RBFOX1: variants seen among roughly 807,000 people sequenced by gnomAD.
RBFOX1 encodes the protein RNA binding fox-1 homolog 1, also known as RNA binding protein fox-1 homolog 1.
Under a neutral mutation model 57.7 loss-of-function variants are expected in RBFOX1, and 8 were observed. The observed-to-expected ratio is 0.14, with a 90% CI of 0.08 to 0.25. The LOEUF is 0.25. Ranked by LOEUF, RBFOX1 falls within the 10% of genes least tolerant of loss-of-function variation. RBFOX1 has a pLI of 1.00. For synonymous variants in RBFOX1, 326 were observed against 222.4 expected (o/e 1.47, Z -4.15); for missense variants, 611 against 548.5 (o/e 1.11, Z -1.14).
intron 3 of RBFOX1, among the ~76,000 whole-genome samples, chr16:6,906,671 A>T (rs2070051964): frequency 6.6e-6 from 1 of 152,038 alleles, no homozygotes. Flanking sequence ...CTTGGGACTT[A>T]AAAAGAGCCT....
At chr16:7,270,746 C>G (rs948334951) in intron 4 of RBFOX1, among the ~76,000 whole-genome samples, 16 of 152,222 alleles carry the variant, frequency 1.1e-4, no homozygotes, top group South Asian at 2.1e-4. Context: ...TCTGATTAAT[C>G]CCACTGATGC....
chr16:5,344,205 T>C (rs1413508644), intron 1 of RBFOX1, among the ~76,000 whole-genome samples: 1 of 152,254 alleles, frequency 6.6e-6, no homozygotes, highest in Admixed American at 6.5e-5. Flanking sequence ...TGTCTGCTGC[T>C]GTTGAGCTGT....
chr16:6,060,122 GTTTTTTTTTTTTTTTTT>G lies in RBFOX1; in HGVS notation c.-127+40150_-127+40166del, dbSNP rs199690584. 1.2e-3 allele frequency among the ~76,000 whole-genome samples: 137 copies of G among 114,204 alleles called. 1 individual carries two copies. Among genetic ancestry groups the G allele is most frequent in the Middle Eastern group, 4.9e-3 (1 of 204 alleles). The allele number at this position is 114,204 out of a possible 152,430, so 74.9% of individuals were successfully genotyped here. A position where few individuals can be genotyped will look rare whatever the true frequency, so the allele number is the denominator to read the frequency against. On this transcript the variant is annotated intron_variant, in intron 1 of 15. Coordinates refer to ENST00000550418, the MANE Select transcript of RBFOX1 (RefSeq NM_018723.4). Reference sequence around the variant, plus strand: ...ATTTGGCCCTAAAATTAGGATTAGGGTTTTTTTTTTTTTTTTTTTTTTTTTTTTTTTTTTTTACGTAT... The same window carrying G: ...ATTTGGCCCTAAAATTAGGATTAGGGTTTTTTTTTTTTTTTTTTTACGTAT...
intron 3 of RBFOX1, among the ~76,000 whole-genome samples, chr16:6,874,261 G>A (rs1444177679): frequency 6.6e-6 from 1 of 152,106 alleles, no homozygotes; most frequent in African/African-American, 2.4e-5. Context: ...TGTAATCCCA[G>A]CACTTCGGGA....
intron 13 of RBFOX1, among the ~76,000 whole-genome samples, chr16:7,675,583 A>G (rs2073035672): frequency 2.0e-5 from 3 of 152,222 alleles, no homozygotes; most frequent in South Asian, 4.1e-4. Context: ...GGAAAGAGGC[A>G]GAAAGAAATT....
chr16:6,542,940 C>A (rs1202543004), intron 2 of RBFOX1, among the ~76,000 whole-genome samples: 2 of 152,014 alleles, frequency 1.3e-5, no homozygotes, highest in Admixed American at 6.6e-5. Flanking sequence ...TTAGAAGGGG[C>A]GTCTGTCTTC....
At chr16:7,446,639 C>G (rs2098809983) in intron 4 of RBFOX1, among the ~76,000 whole-genome samples, 1 of 152,042 alleles carries the variant, frequency 6.6e-6, no homozygotes, top group African/African-American at 2.4e-5. Flanking sequence ...CCACATGAGC[C>G]TGTCTTCTCT....
chr16:6,015,836 A>G (rs534954915), upstream of RBFOX1, among the ~76,000 whole-genome samples: 1 of 152,348 alleles, frequency 6.6e-6, no homozygotes, highest in South Asian at 2.1e-4. Flanking sequence ...GTTTCAAGAC[A>G]GTTGCAATCA....
At chr16:7,290,727 G>T (rs550096220) in intron 4 of RBFOX1, among the ~76,000 whole-genome samples, 10 of 152,326 alleles carry the variant, frequency 6.6e-5, no homozygotes, top group Middle Eastern at 3.4e-3. Context: ...TGGGACATGT[G>T]CGTGTCCGTG....
intron 4 of RBFOX1, among the ~76,000 whole-genome samples, chr16:5,923,771 C>T (rs990967705): frequency 6.6e-6 from 1 of 151,982 alleles, no homozygotes; most frequent in African/African-American, 2.4e-5. Context: ...AAACTCCTGA[C>T]CTCAAGTGAT....
intron 3 of RBFOX1, among the ~76,000 whole-genome samples, chr16:6,660,346 GATTACTTATATAACAAACCTGCACATCCC>G: frequency 6.6e-6 from 1 of 152,080 alleles, no homozygotes; most frequent in African/African-American, 2.4e-5. Context: ...TATGACACAC[GATTACTTATATAACAAACCTGCACATCCC>G]GCACATGTAC....
At chr16:7,587,925 G>A (rs1452450668) in intron 7 of RBFOX1, among the ~76,000 whole-genome samples, 6 of 152,154 alleles carry the variant, frequency 3.9e-5, no homozygotes, top group East Asian at 1.9e-4. Context: ...AGTGGCTCAC[G>A]CCTGTAATCC....
chr16:5,680,832 A>C (rs1431897376), intron 3 of RBFOX1, among the ~76,000 whole-genome samples: 1 of 152,180 alleles, frequency 6.6e-6, no homozygotes, highest in African/African-American at 2.4e-5. Context: ...GCATAGTTCT[A>C]AATGCTAGAC....
chr16:7,580,301 T>C (rs531745902), intron 6 of RBFOX1, among the ~76,000 whole-genome samples: 1 of 152,282 alleles, frequency 6.6e-6, no homozygotes, highest in East Asian at 1.9e-4. Context: ...TCTTTTACAG[T>C]TGTCAAATGA....
At chr16:6,820,214 G>A (rs960988961) in intron 3 of RBFOX1, among the ~76,000 whole-genome samples, 1 of 152,124 alleles carries the variant, frequency 6.6e-6, no homozygotes, top group Non-Finnish European at 1.5e-5. Context: ...GGCCTCCCCA[G>A]CCATGTGCAA....
intron 4 of RBFOX1, among the ~76,000 whole-genome samples, chr16:5,980,883 G>A (rs1293991112): frequency 6.6e-6 from 1 of 152,140 alleles, no homozygotes; most frequent in Non-Finnish European, 1.5e-5. Context: ...ACATGGTTTT[G>A]TTTACACTGG....
intron 3 of RBFOX1, among the ~76,000 whole-genome samples, chr16:6,785,752 A>G (rs1213829813): frequency 1.3e-5 from 2 of 152,202 alleles, no homozygotes; most frequent in Admixed American, 6.5e-5. Flanking sequence ...CACTATTGTT[A>G]TCATCATTTT....
At chr16:6,452,570 G>C (rs566500528) in intron 2 of RBFOX1, among the ~76,000 whole-genome samples, 23 of 152,340 alleles carry the variant, frequency 1.5e-4, no homozygotes, top group African/African-American at 4.8e-4. Context: ...AGATCGTCAA[G>C]TGATACCTGA....
chr16:6,531,336 T>C (rs2096655276), intron 2 of RBFOX1, among the ~76,000 whole-genome samples: 1 of 152,154 alleles, frequency 6.6e-6, no homozygotes, highest in Non-Finnish European at 1.5e-5. Flanking sequence ...TCACTTAGCA[T>C]GGACTCATGG....
Sources: gnomAD v4.1 joint callset for allele counts (sites outside exome capture counted in the v4.1 genomes callset) on GRCh38, gnomAD v4.1.1 for gene constraint, MANE v1.5 for transcripts, NCBI Gene and HGNC (gene_info 2026-07-23, HGNC 2026-07-21) for gene names.